RIMS1: variants seen among roughly 807,000 people sequenced by gnomAD.
RIMS1 encodes the protein regulating synaptic membrane exocytosis protein 1.
A neutral mutation model predicts 214.1 loss-of-function variants in RIMS1; 83 were observed. The ratio of observed to expected loss-of-function variants is 0.39; its 90% CI spans 0.32 to 0.47. The LOEUF is 0.47. RIMS1 is among the 20% of genes least tolerant of loss of function. The pLI is 0.99. For synonymous variants in RIMS1, 793 were observed against 786.8 expected (o/e 1.01, Z -0.13); for missense variants, 2,050 against 2,161.8 (o/e 0.95, Z 1.03).
chr6:71,965,497 G>T (rs928919588), intron 1 of RIMS1, among the ~76,000 whole-genome samples: 1 of 152,186 alleles, frequency 6.6e-6, no homozygotes, highest in African/African-American at 2.4e-5. Context: ...CAGGCTTGTG[G>T]CAATGTTAGT....
intron 29 of RIMS1, among the ~76,000 whole-genome samples, chr6:72,346,977 A>G (rs895679938): frequency 2.6e-5 from 4 of 151,854 alleles, no homozygotes; most frequent in Admixed American, 6.6e-5. Flanking sequence ...AGAAGGTATT[A>G]GTGAACAATA....
intron 6 of RIMS1, among the ~76,000 whole-genome samples, chr6:72,201,193 A>G (rs116417640): frequency 2.0e-3 from 302 of 152,320 alleles, no homozygotes; most frequent in Middle Eastern, 6.8e-3. Flanking sequence ...CTATTCTTGA[A>G]TCAGGAGAAA....
At chr6:72,252,940 G>T in intron 16 of RIMS1, 108 bp downstream of exon 16, 2 of 769,482 alleles carry the variant, frequency 2.6e-6, no homozygotes, top group South Asian at 1.7e-5. Flanking sequence ...ATAGCACAGA[G>T]AAATCAGTAT....
intron 4 of RIMS1, among the ~76,000 whole-genome samples, chr6:72,127,961 C>T (rs745783002): frequency 2.0e-5 from 3 of 152,106 alleles, no homozygotes; most frequent in South Asian, 2.1e-4. Flanking sequence ...CAGCAGTTAG[C>T]GCACATAGTT....
At chr6:72,076,921 C>T (rs1390819657) in intron 2 of RIMS1, among the ~76,000 whole-genome samples, 1 of 152,106 alleles carries the variant, frequency 6.6e-6, no homozygotes, top group Non-Finnish European at 1.5e-5. Flanking sequence ...ATAAATTTGT[C>T]AATAAAAGTC....
intron 29 of RIMS1, among the ~76,000 whole-genome samples, chr6:72,346,047 CAA>C (rs2097255753): frequency 6.6e-6 from 1 of 151,606 alleles, no homozygotes. Flanking sequence ...CTGCAGAAAA[CAA>C]AAAGTTAAAG....
chr6:72,303,000 G>A (rs1422332303), intron 26 of RIMS1, among the ~76,000 whole-genome samples: 1 of 150,780 alleles, frequency 6.6e-6, no homozygotes, highest in Non-Finnish European at 1.5e-5. Flanking sequence ...AGAGAGAAAT[G>A]TGAAAGATTT....
rs552115383 is a variant in RIMS1 at position 72,110,698 on chromosome 6, T to C, written c.471+10712T>C. Among the ~76,000 whole-genome samples the C allele has an allele frequency of 6.6e-5, 10 of 152,006 alleles. 1 individual carries two copies. In the South Asian group the frequency reaches 2.1e-3, roughly 32 times the overall value. On this transcript the variant is annotated intron_variant, in intron 4 of 33. Transcript: ENST00000521978. ...TCCTAATTGAATACCCTTTATTTCC[T>C]TCTCCTGCCTAATAGCCCTGGCCAG... is the stretch of plus-strand genomic sequence containing the variant.
At chr6:72,398,933 A>G (rs368864330) in intron 32 of RIMS1, 22 bp from the exon 33 acceptor site, 17 of 1,424,620 alleles carry the variant, frequency 1.2e-5, no homozygotes, top group Non-Finnish European at 1.7e-5. Flanking sequence ...AATTTCTTAT[A>G]TGTTAATATA....
intron 4 of RIMS1, among the ~76,000 whole-genome samples, chr6:72,175,913 A>T (rs2047639565): frequency 6.6e-6 from 1 of 152,156 alleles, no homozygotes; most frequent in Non-Finnish European, 1.5e-5. Flanking sequence ...TGGGTAAAAA[A>T]TTCCTATGGG....
chr6:72,035,304 G>A (rs1663553536), intron 2 of RIMS1, among the ~76,000 whole-genome samples: 1 of 152,080 alleles, frequency 6.6e-6, no homozygotes, highest in Non-Finnish European at 1.5e-5. Flanking sequence ...GGTGAGGGCT[G>A]ATTATTTCCC....
intron 19 of RIMS1, chr6:72,263,749 A>T: frequency 2.0e-6 from 2 of 982,574 alleles, no homozygotes; most frequent in Non-Finnish European, 2.4e-6. Context: ...AGATCACTTG[A>T]GGTCAGGAGT....
In RIMS1 at chr6:71,962,474, C is replaced by T. The variant is rs141429976; in HGVS notation, c.165-6509C>T. 7.9e-5 allele frequency among the ~76,000 whole-genome samples: 12 copies of T among 152,226 alleles called. No individual in the cohort carries two copies. The East Asian group carries it at 9.7e-4, about 12-fold the overall frequency. ...AGTAAAAATTACTCTGATAAACTCCCGAAGCTTCCCTGAATGCACACTGGT... is the reference window on the plus strand; with the variant it reads ...AGTAAAAATTACTCTGATAAACTCCTGAAGCTTCCCTGAATGCACACTGGT... On this transcript the variant is annotated intron_variant, in intron 1 of 33. Transcript: ENST00000521978.
At chr6:71,894,828 T>C (rs1404483009) in intron 1 of RIMS1, among the ~76,000 whole-genome samples, 1 of 152,248 alleles carries the variant, frequency 6.6e-6, no homozygotes, top group Non-Finnish European at 1.5e-5. Flanking sequence ...TTTCATGCAA[T>C]ATGTAAGTAA....
At chr6:72,352,436 T>C (rs1246794915) in intron 29 of RIMS1, among the ~76,000 whole-genome samples, 1 of 152,170 alleles carries the variant, frequency 6.6e-6, no homozygotes, top group Admixed American at 6.6e-5. Context: ...GGCACAGTAT[T>C]TGTGTGGTAG....
intron 16 of RIMS1, 72 bp downstream of exon 16, chr6:72,252,904 T>G (rs563677679): frequency 6.7e-5 from 72 of 1,081,408 alleles, no homozygotes; most frequent in African/African-American, 3.9e-4. Flanking sequence ...CTTCCGGACC[T>G]CTTTAGGATA....
chr6:72,052,815 C>G (rs1825086649), intron 2 of RIMS1, among the ~76,000 whole-genome samples: 1 of 152,044 alleles, frequency 6.6e-6, no homozygotes, highest in Non-Finnish European at 1.5e-5. Context: ...CATAATTATA[C>G]CATATAAGAC....
chr6:71,992,806 C>T (rs1421002898), intron 2 of RIMS1, among the ~76,000 whole-genome samples: 1 of 151,942 alleles, frequency 6.6e-6, no homozygotes, highest in Non-Finnish European at 1.5e-5. Context: ...ACTACAGGTG[C>T]ACACCACCAC....
At chr6:72,316,492 T>G in intron 28 of RIMS1, 1 of 344,576 alleles carries the variant, frequency 2.9e-6, no homozygotes, top group East Asian at 6.9e-5. Flanking sequence ...TGCTACCTGG[T>G]GTTTTGAGGC....
Sources: allele counts gnomAD v4.1 joint callset (sites outside exome capture counted in the v4.1 genomes callset), GRCh38; gene constraint gnomAD v4.1.1; transcripts MANE v1.5; gene names NCBI Gene and HGNC (gene_info 2026-07-23, HGNC 2026-07-21).